Variants in HS6ST3 observed in about 807,000 individuals in gnomAD.
The protein encoded by HS6ST3 is heparan sulfate 6-O-sulfotransferase 3.
Under a neutral mutation model 36.7 loss-of-function variants are expected in HS6ST3, and 12 were observed. That is an observed-to-expected ratio of 0.33 (90% CI 0.21 to 0.53). The LOEUF (loss-of-function observed/expected upper bound fraction) is 0.53. HS6ST3 is among the 20% of genes least tolerant of loss of function. The pLI, the probability that HS6ST3 is intolerant of heterozygous loss-of-function variation, is 0.95. For synonymous variants in HS6ST3, 240 were observed against 257.5 expected (o/e 0.93, Z 0.65); for missense variants, 584 against 640.9 (o/e 0.91, Z 0.96).
At chr13:96,467,097 A>G (rs946961341) in intron 1 of HS6ST3, among the ~76,000 whole-genome samples, 2 of 152,176 alleles carry the variant, frequency 1.3e-5, no homozygotes, top group South Asian at 2.1e-4. Flanking sequence ...CAACATATGT[A>G]TAAACTTCCC....
chr13:96,561,811 TC>T (rs2056263351), intron 1 of HS6ST3, among the ~76,000 whole-genome samples: 1 of 152,030 alleles, frequency 6.6e-6, no homozygotes, highest in Non-Finnish European at 1.5e-5. Context: ...TAAATGCAAA[TC>T]AAAACCACAA....
chr13:96,748,640 A>G (rs956692786), intron 1 of HS6ST3, among the ~76,000 whole-genome samples: 5 of 151,942 alleles, frequency 3.3e-5, no homozygotes, highest in South Asian at 2.1e-4. Context: ...ACCCACTACA[A>G]TGTAAATGTT....
chr13:96,345,521 C>G (rs1187995402), intron 1 of HS6ST3, among the ~76,000 whole-genome samples: 1 of 152,106 alleles, frequency 6.6e-6, no homozygotes, highest in African/African-American at 2.4e-5. Flanking sequence ...CATTTACTCC[C>G]CACTCATATC....
chr13:96,251,164 A>T (rs2054606017), intron 1 of HS6ST3, among the ~76,000 whole-genome samples: 1 of 152,082 alleles, frequency 6.6e-6, no homozygotes, highest in Admixed American at 6.5e-5. Flanking sequence ...ATAGGTGTTA[A>T]TTCTTCTTTA....
chr13:96,577,382 T>C (rs2056325759), intron 1 of HS6ST3, among the ~76,000 whole-genome samples: 1 of 152,236 alleles, frequency 6.6e-6, no homozygotes, highest in Non-Finnish European at 1.5e-5. Context: ...CCATGGTGTA[T>C]ATGTGCCACA....
chr13:96,555,809 T>TTA (rs2056238206), intron 1 of HS6ST3, among the ~76,000 whole-genome samples: 1 of 147,282 alleles, frequency 6.8e-6, no homozygotes, highest in African/African-American at 2.5e-5. Flanking sequence ...AGATGGTTCT[T>TTA]AAAAAAAAAA....
chr13:96,605,291 A>G lies in HS6ST3; in HGVS notation c.708-227199A>G, dbSNP rs149271177. ...CCTATGGATTATAGGAGCCTATAATATATATTATTTTGAAAGAATGCCTAA... is the reference window on the plus strand; with the variant it reads ...CCTATGGATTATAGGAGCCTATAATGTATATTATTTTGAAAGAATGCCTAA... On this transcript the variant is annotated intron_variant, in intron 1 of 1. Transcript: ENST00000376705. Among the ~76,000 whole-genome samples, 597 of 152,254 alleles carry G rather than the reference A, an allele frequency of 3.9e-3. 2 individuals are homozygous for G. Among genetic ancestry groups the G allele is most frequent in the African/African-American group, 0.014 (577 of 41,560 alleles).
intron 1 of HS6ST3, among the ~76,000 whole-genome samples, chr13:96,602,524 T>G (rs553837101): frequency 1.3e-5 from 2 of 152,336 alleles, no homozygotes; most frequent in South Asian, 4.1e-4. Context: ...GCCTGGGCAC[T>G]GCAGCAGCTA....
chr13:96,620,415 C>T (rs891130390), intron 1 of HS6ST3, among the ~76,000 whole-genome samples: 12 of 152,274 alleles, frequency 7.9e-5, no homozygotes, highest in East Asian at 5.8e-4. Flanking sequence ...TCAGTTTGTG[C>T]TTATGTGTGA....
intron 1 of HS6ST3, among the ~76,000 whole-genome samples, chr13:96,415,556 C>T (rs1295967412): frequency 6.6e-6 from 1 of 152,150 alleles, no homozygotes; most frequent in African/African-American, 2.4e-5. Flanking sequence ...ACTGGCATAG[C>T]CAGAGATGGG....
chr13:96,305,123 T>A (rs1035210837), intron 1 of HS6ST3, among the ~76,000 whole-genome samples: 2 of 152,196 alleles, frequency 1.3e-5, no homozygotes, highest in Admixed American at 1.3e-4. Flanking sequence ...CTCTAAATTA[T>A]AGCCATTGTA....
At chr13:96,555,922 C>T (rs774738077) in intron 1 of HS6ST3, among the ~76,000 whole-genome samples, 2 of 152,088 alleles carry the variant, frequency 1.3e-5, no homozygotes, top group Non-Finnish European at 2.9e-5. Context: ...AAATGCTAGA[C>T]AGAGACAATA....
chr13:96,727,059 C>T (rs1260882429), intron 1 of HS6ST3, among the ~76,000 whole-genome samples: 1 of 152,134 alleles, frequency 6.6e-6, no homozygotes, highest in Non-Finnish European at 1.5e-5. Flanking sequence ...TGATTAAAGT[C>T]TATCTTTCTA....
At chr13:96,785,261 A>T (rs567257795) in intron 1 of HS6ST3, among the ~76,000 whole-genome samples, 1 of 152,156 alleles carries the variant, frequency 6.6e-6, no homozygotes, top group South Asian at 2.1e-4. Flanking sequence ...TCTGCTAGAG[A>T]GATGGATGCT....
At chr13:96,263,710 G>A (rs994724780) in intron 1 of HS6ST3, among the ~76,000 whole-genome samples, 2 of 152,156 alleles carry the variant, frequency 1.3e-5, no homozygotes, top group Non-Finnish European at 2.9e-5. Context: ...ATTATAGATA[G>A]CGGAAGCCAA....
intron 1 of HS6ST3, among the ~76,000 whole-genome samples, chr13:96,789,637 T>G (rs1877732782): frequency 6.6e-6 from 1 of 151,924 alleles, no homozygotes; most frequent in South Asian, 2.1e-4. Context: ...CTTCTGAGAA[T>G]GTCTTTATTT....
intron 1 of HS6ST3, among the ~76,000 whole-genome samples, chr13:96,768,631 A>G (rs951459610): frequency 2.0e-5 from 3 of 152,146 alleles, no homozygotes; most frequent in Non-Finnish European, 4.4e-5. Context: ...GAGGAGAAAC[A>G]GACTCTTCAC....
chr13:96,255,833 A>G (rs1471552314), intron 1 of HS6ST3, among the ~76,000 whole-genome samples: 2 of 152,096 alleles, frequency 1.3e-5, no homozygotes, highest in South Asian at 2.1e-4. Context: ...TGAGTTCACA[A>G]TTTTACAGAT....
chr13:96,217,780 G>C (rs2054434360), intron 1 of HS6ST3, among the ~76,000 whole-genome samples: 1 of 152,062 alleles, frequency 6.6e-6, no homozygotes, highest in African/African-American at 2.4e-5. Flanking sequence ...ATGTATATAG[G>C]TGTGCATGCA....
Sources: allele counts gnomAD v4.1 joint callset (sites outside exome capture counted in the v4.1 genomes callset), GRCh38; gene constraint gnomAD v4.1.1; transcripts MANE v1.5; gene names NCBI Gene and HGNC (gene_info 2026-07-23, HGNC 2026-07-21).